HIP1: variants seen among roughly 807,000 people sequenced by gnomAD.
The protein encoded by HIP1 is huntingtin-interacting protein 1.
Under a neutral mutation model 147.6 loss-of-function variants are expected in HIP1, and 65 were observed. The observed-to-expected ratio is 0.44, with a 90% CI of 0.36 to 0.54. The LOEUF is 0.54. Among genes scored for constraint, HIP1 ranks in the 20% least tolerant of loss-of-function variants. HIP1 has a pLI of 0.00. For synonymous variants in HIP1, 479 were observed against 504.0 expected (o/e 0.95, Z 0.67); for missense variants, 1,061 against 1,299.6 (o/e 0.82, Z 2.82).
At chr7:75,579,545 G>C (rs782658328) in intron 7 of HIP1, among the ~76,000 whole-genome samples, 16 of 152,014 alleles carry the variant, frequency 1.1e-4, no homozygotes, top group Non-Finnish European at 1.9e-4. Flanking sequence ...GCCCCCCTTG[G>C]CCTTCCAAAG....
chr7:75,715,774 CA>C (rs34769081), intron 1 of HIP1, among the ~76,000 whole-genome samples: 2,272 of 36,556 alleles, frequency 0.062, 22 homozygotes, highest in Admixed American at 0.19. Context: ...GATCCTGTCT[CA>C]AAAAAAAAAA....
intron 1 of HIP1, among the ~76,000 whole-genome samples, chr7:75,692,949 G>A (rs1554518327): frequency 1.3e-5 from 2 of 151,850 alleles, no homozygotes; most frequent in African/African-American, 4.8e-5. Context: ...AAAATCACTT[G>A]AGGTCAGGAG....
intron 1 of HIP1, among the ~76,000 whole-genome samples, chr7:75,666,738 G>A (rs558448948): frequency 1.1e-3 from 163 of 152,228 alleles, no homozygotes; most frequent in Middle Eastern, 3.4e-3. Context: ...TTTCAGACAC[G>A]GAACAGTTCC....
At chr7:75,667,424 C>G (rs1799594911) in intron 1 of HIP1, among the ~76,000 whole-genome samples, 1 of 152,066 alleles carries the variant, frequency 6.6e-6, no homozygotes, top group African/African-American at 2.4e-5. Context: ...TTGTAGAGAC[C>G]AAGACAGATA....
At chr7:75,641,680 A>G (rs188594617) in intron 1 of HIP1, among the ~76,000 whole-genome samples, 16 of 151,314 alleles carry the variant, frequency 1.1e-4, no homozygotes, top group African/African-American at 3.6e-4. Flanking sequence ...TATTTATAGT[A>G]GAGACGGGGT....
intron 1 of HIP1, among the ~76,000 whole-genome samples, chr7:75,710,423 T>C (rs1215945421): frequency 6.6e-6 from 1 of 152,232 alleles, no homozygotes; most frequent in Non-Finnish European, 1.5e-5. Context: ...TAATATTTTA[T>C]TGAAGATTTT....
intron 7 of HIP1, among the ~76,000 whole-genome samples, chr7:75,577,916 C>T (rs1795902286): frequency 6.6e-6 from 1 of 152,146 alleles, no homozygotes; most frequent in African/African-American, 2.4e-5. Context: ...AGGAGAATTG[C>T]TTGAGCCTGG....
intron 20 of HIP1, 33 bp from the exon 21 acceptor site, chr7:75,554,253 C>G: frequency 6.4e-7 from 1 of 1,568,592 alleles, no homozygotes; most frequent in Non-Finnish European, 8.8e-7. Flanking sequence ...TTTCTCAGGT[C>G]TGGTTGATGG....
intron 1 of HIP1, chr7:75,733,685 G>A (rs1454686156): frequency 6.5e-6 from 1 of 154,004 alleles, no homozygotes; most frequent in Non-Finnish European, 1.4e-5. Context: ...AGGCTGGTCT[G>A]AGGGTATAGA....
At chr7:75,573,060 C>G (rs763256603) in intron 8 of HIP1, among the ~76,000 whole-genome samples, 4 of 152,190 alleles carry the variant, frequency 2.6e-5, no homozygotes, top group Non-Finnish European at 5.9e-5. Flanking sequence ...CGGTGGGGGC[C>G]GGGCTGCCAA....
intron 4 of HIP1, among the ~76,000 whole-genome samples, chr7:75,591,740 A>G (rs1310551785): frequency 6.6e-6 from 1 of 150,606 alleles, no homozygotes; most frequent in African/African-American, 2.5e-5. Flanking sequence ...AAAAAAAAAA[A>G]GCAGGAAACA....
chr7:75,629,241 C>A (rs1250152770), intron 1 of HIP1, among the ~76,000 whole-genome samples: 3 of 152,156 alleles, frequency 2.0e-5, no homozygotes, highest in African/African-American at 7.2e-5. Flanking sequence ...AGCGTAAACC[C>A]GTTGGCCAGA....
rs900300545 is a variant in HIP1, at chr7:75,558,298, G to A, written c.1376-43C>T. Reference sequence around the variant, plus strand: ...AAGGTGAGGAGTCTAACCTAGCAGGGACCCTTGCCTTCCTTGCAATGAGCC... The same window carrying A: ...AAGGTGAGGAGTCTAACCTAGCAGGAACCCTTGCCTTCCTTGCAATGAGCC... On this transcript the variant is annotated intron_variant, in intron 14 of 30. Coordinates refer to ENST00000336926, the MANE Select transcript of HIP1 (RefSeq NM_005338.7). 4 of 1,472,912 alleles carry A rather than the reference G, an allele frequency of 2.7e-6. No homozygotes were observed. In the African/African-American group the frequency reaches 4.2e-5, roughly 15 times the overall value. 91.2% of individuals were successfully genotyped at this position (1,472,912 alleles called of 1,614,324 possible). A position where few individuals can be genotyped will look rare whatever the true frequency, so the allele number is the denominator to read the frequency against.
chr7:75,551,189 ATTTTTTTTT>A (rs55679922), intron 22 of HIP1, among the ~76,000 whole-genome samples: 27 of 77,414 alleles, frequency 3.5e-4, no homozygotes, highest in African/African-American at 8.8e-4. Flanking sequence ...GTAGATGATA[ATTTTTTTTT>A]TTTTTTTTTT....
At chr7:75,738,647 G>C (rs1254532413) in intron 1 of HIP1, among the ~76,000 whole-genome samples, 154 bp downstream of exon 1, 1 of 152,090 alleles carries the variant, frequency 6.6e-6, no homozygotes, top group Non-Finnish European at 1.5e-5. Context: ...ACCTTCCTGG[G>C]ATCGCCCAGA....
At chr7:75,561,939 C>G in intron 12 of HIP1, 134 bp downstream of exon 12, 1 of 639,928 alleles carries the variant, frequency 1.6e-6, no homozygotes, top group South Asian at 1.9e-5. Flanking sequence ...AAGCCATTGC[C>G]CCCAACCCTT....
intron 1 of HIP1, among the ~76,000 whole-genome samples, chr7:75,727,267 T>C (rs1801678996): frequency 6.6e-6 from 1 of 151,776 alleles, no homozygotes; most frequent in Non-Finnish European, 1.5e-5. Context: ...CCTAAGTTTT[T>C]GTATTTTTTG....
chr7:75,670,593 T>TC (rs1799702686), intron 1 of HIP1, among the ~76,000 whole-genome samples: 1 of 151,680 alleles, frequency 6.6e-6, no homozygotes, highest in Non-Finnish European at 1.5e-5. Flanking sequence ...TTCTCCCCTC[T>TC]CCCCAGCCCC....
chr7:75,705,781 C>T (rs1284097963), intron 1 of HIP1, among the ~76,000 whole-genome samples: 1 of 152,232 alleles, frequency 6.6e-6, no homozygotes, highest in African/African-American at 2.4e-5. Context: ...AATAATGCTG[C>T]TGTGAACATG....
Sources: gnomAD v4.1 joint callset for allele counts (sites outside exome capture counted in the v4.1 genomes callset) on GRCh38, gnomAD v4.1.1 for gene constraint, MANE v1.5 for transcripts, NCBI Gene and HGNC (gene_info 2026-07-23, HGNC 2026-07-21) for gene names.